TPST2: variants seen among roughly 807,000 people sequenced by gnomAD.
TPST2 encodes tyrosylprotein sulfotransferase 2.
Under a neutral mutation model 27.8 loss-of-function variants are expected in TPST2, and 16 were observed. The observed-to-expected ratio is 0.58, with a 90% CI of 0.39 to 0.88. TPST2 has a LOEUF of 0.88. Ranked by LOEUF, TPST2 falls within the 40% of genes least tolerant of loss-of-function variation. TPST2 has a pLI of 0.00. For synonymous variants in TPST2, 229 were observed against 231.7 expected (o/e 0.99, Z 0.10); for missense variants, 464 against 543.1 (o/e 0.85, Z 1.45).
At chr22:26,558,109 A>AT (rs1926897186) in intron 1 of TPST2, among the ~76,000 whole-genome samples, 1 of 142,618 alleles carries the variant, frequency 7.0e-6, no homozygotes, top group South Asian at 2.2e-4. Flanking sequence ...ATTATATAAA[A>AT]ATATATATAA....
chr22:26,539,163 G>A (rs980860271), intron 3 of TPST2, among the ~76,000 whole-genome samples: 22 of 152,162 alleles, frequency 1.4e-4, no homozygotes, highest in Admixed American at 7.2e-4. Flanking sequence ...TGTTGCTAGC[G>A]GAGAGCAGCT....
At chr22:26,560,840 C>G in intron 1 of TPST2, 2 of 1,576,012 alleles carry the variant, frequency 1.3e-6, no homozygotes, top group Non-Finnish European at 1.7e-6. Flanking sequence ...TCTTCCTGTT[C>G]TGCTCTGCGT....
rs199686165 is a variant in TPST2 at position 26,541,067 on chromosome 22, G to A, written c.564C>T (p.Ser188=). 20 of 1,612,310 alleles carry A rather than the reference G, an allele frequency of 1.2e-5. No homozygotes were observed. In the East Asian group the frequency reaches 3.8e-4, roughly 31 times the overall value. The change falls in exon 3 of 7, where the codon TCC becomes TCT. Residue 188 remains serine, a synonymous_variant. Coordinates refer to ENST00000338754, the MANE Select transcript of TPST2 (RefSeq NM_003595.5). This position sits in a 1 kb window ranked among gnomAD's most constrained non-coding sequence, Gnocchi z 5.9. The part of the protein sequence containing the change: ...FLLMVRDGRA[S]VHSMITRKVT... ...CTTTGCGCGTGATCATGGAGTGCAC[G>A]GAGGCCCGGCCGTCCCGCACCATCA... is the stretch of plus-strand genomic sequence containing the variant.
chr22:26,547,141 G>A (rs897278646), intron 1 of TPST2, among the ~76,000 whole-genome samples: 2 of 152,074 alleles, frequency 1.3e-5, no homozygotes, highest in Non-Finnish European at 2.9e-5. Flanking sequence ...AGGCTGGAGT[G>A]CAGTGGCATG....
chr22:26,581,096 CA>C (rs1928093488), intron 1 of TPST2, among the ~76,000 whole-genome samples: 1 of 151,956 alleles, frequency 6.6e-6, no homozygotes, highest in Non-Finnish European at 1.5e-5. Flanking sequence ...TGAACTCTAC[CA>C]AACATACCAG....
At chr22:26,585,177 A>G (rs1033105141) in intron 1 of TPST2, among the ~76,000 whole-genome samples, 3 of 151,982 alleles carry the variant, frequency 2.0e-5, no homozygotes, top group African/African-American at 7.2e-5. Context: ...TCCCTATCAC[A>G]CTGCCTGCTT....
Position 26,541,510 on chromosome 22 carries a change from G to A in TPST2, c.121C>T (p.Pro41Ser), listed in dbSNP as rs1393464308. 1 of 1,611,760 alleles carries A rather than the reference G, an allele frequency of 6.2e-7. No individual in the cohort carries two copies. ...CRAVLAGLRS[P>S]RGAMRPEQEE... ...TGCTCAGGCCGCATGGCCCCCCGGG[G>A]GCTCCGCAGGCCCGCCAGCACCGCC... is the stretch of plus-strand genomic sequence containing the variant. The change falls in exon 3 of 7, where the codon CCC becomes TCC. Residue 41 changes from proline (P) to serine (S), a missense_variant. Coordinates refer to ENST00000338754, the MANE Select transcript of TPST2 (RefSeq NM_003595.5). This position sits in a 1 kb window ranked among gnomAD's most constrained non-coding sequence, Gnocchi z 5.9.
intron 1 of TPST2, among the ~76,000 whole-genome samples, chr22:26,568,671 T>A (rs1927472145): frequency 6.6e-6 from 1 of 152,028 alleles, no homozygotes; most frequent in African/African-American, 2.4e-5. Flanking sequence ...CCCTATATGG[T>A]CTAAAAAGGT....
At chr22:26,559,847 G>C (rs755641244) in intron 1 of TPST2, among the ~76,000 whole-genome samples, 2 of 152,148 alleles carry the variant, frequency 1.3e-5, no homozygotes, top group Non-Finnish European at 2.9e-5. Flanking sequence ...ACACCTTCAC[G>C]CAGAAGCCAG....
intron 1 of TPST2, among the ~76,000 whole-genome samples, chr22:26,569,981 AAAAGAAAGAAAAAGAAAGAAAGAAAG>A (rs201200777): frequency 0.38 from 30,206 of 79,054 alleles, 5,351 homozygotes; most frequent in South Asian, 0.55. Flanking sequence ...AGAAAGAAAG[AAAAGAAAGAAAAAGAAAGAAAGAAAG>A]AAAGAAAGAA....
chr22:26,566,649 G>A (rs180762905), intron 1 of TPST2, among the ~76,000 whole-genome samples: 103 of 152,282 alleles, frequency 6.8e-4, no homozygotes, highest in African/African-American at 2.3e-3. Flanking sequence ...CTGCTCAGGA[G>A]GCTGAGGCAG....
chr22:26,580,340 C>T (rs1216203511), intron 1 of TPST2, among the ~76,000 whole-genome samples: 2 of 152,212 alleles, frequency 1.3e-5, no homozygotes, highest in Admixed American at 6.5e-5. Context: ...ACACCATCAA[C>T]GGGCACCTAC....
intron 4 of TPST2, among the ~76,000 whole-genome samples, chr22:26,534,352 A>T (rs970099488): frequency 3.3e-5 from 5 of 152,196 alleles, no homozygotes; most frequent in African/African-American, 1.2e-4. Context: ...GGCAAAAACT[A>T]AACCAGGGAT....
chr22:26,575,494 G>C (rs559455056), intron 1 of TPST2, among the ~76,000 whole-genome samples: 39 of 152,122 alleles, frequency 2.6e-4, no homozygotes, highest in Non-Finnish European at 4.6e-4. Context: ...CGGAGACAGC[G>C]ACACTATCAT....
chr22:26,530,967 G>A (rs990904544), intron 5 of TPST2, among the ~76,000 whole-genome samples: 13 of 151,378 alleles, frequency 8.6e-5, no homozygotes, highest in African/African-American at 2.4e-4. Flanking sequence ...CGAGATCACC[G>A]CATTGCACTC....
At chr22:26,582,968 A>T (rs1486832071) in intron 1 of TPST2, among the ~76,000 whole-genome samples, 1 of 151,970 alleles carries the variant, frequency 6.6e-6, no homozygotes, top group African/African-American at 2.4e-5. Flanking sequence ...CCACACAGGG[A>T]GTATGCAATG....
At chr22:26,557,689 C>A (rs911680774) in intron 1 of TPST2, among the ~76,000 whole-genome samples, 1 of 151,260 alleles carries the variant, frequency 6.6e-6, no homozygotes, top group African/African-American at 2.4e-5. Flanking sequence ...GTGTAGGATG[C>A]CTGAAAAGAC....
At chr22:26,529,283 C>T (rs554672484) in intron 5 of TPST2, among the ~76,000 whole-genome samples, 2 of 152,150 alleles carry the variant, frequency 1.3e-5, no homozygotes, top group African/African-American at 4.8e-5. Flanking sequence ...TGTGCCACCA[C>T]GAATGGCTAA....
intron 1 of TPST2, among the ~76,000 whole-genome samples, chr22:26,558,314 T>A (rs767627267): frequency 6.6e-6 from 1 of 151,900 alleles, no homozygotes; most frequent in Non-Finnish European, 1.5e-5. Flanking sequence ...AATTTTTTTG[T>A]ATTTTTAGTA....
Sources: allele counts gnomAD v4.1 joint callset (sites outside exome capture counted in the v4.1 genomes callset), GRCh38; gene constraint gnomAD v4.1.1; non-coding constraint Gnocchi (gnomAD v3.1); transcripts MANE v1.5; gene names NCBI Gene and HGNC (gene_info 2026-07-23, HGNC 2026-07-21).